UBR7: variants seen among roughly 807,000 people sequenced by gnomAD.
The protein encoded by UBR7 is putative E3 ubiquitin-protein ligase UBR7.
Under a neutral mutation model 57.0 loss-of-function variants are expected in UBR7, and 22 were observed. That is an observed-to-expected ratio of 0.39 (90% CI 0.28 to 0.55). UBR7 has a LOEUF of 0.55. Ranked by LOEUF, UBR7 falls within the 20% of genes least tolerant of loss-of-function variation. The pLI is 0.69. For synonymous variants in UBR7, 167 were observed against 179.8 expected, an observed-to-expected ratio of 0.93 and a Z score of 0.57; for missense variants, 395 against 513.2, an observed-to-expected ratio of 0.77 and a Z score of 2.23.
Position 93,227,659 on chromosome 14 carries a change from A to T in UBR7, c.*624A>T. On this transcript the variant is annotated 3_prime_UTR_variant, in exon 11 of 11. Coordinates refer to ENST00000013070, the MANE Select transcript of UBR7 (RefSeq NM_175748.4). ...TGGTCTGGATGTCTGTCACAGGCGG[A>T]GAGATTAACAGATGACAGGGTTGAG... 1 of 700,846 alleles carries T rather than the reference A, an allele frequency of 1.4e-6. No homozygotes were observed. Among genetic ancestry groups the T allele is most frequent in the Non-Finnish European group, 2.6e-6 (1 of 384,842 alleles). 43.4% of individuals were successfully genotyped at this position (700,846 alleles called of 1,614,324 possible). A position where few individuals can be genotyped will look rare whatever the true frequency, so the allele number is the denominator to read the frequency against.
intron 6 of UBR7, among the ~76,000 whole-genome samples, chr14:93,216,758 G>A (rs1778301985): frequency 6.6e-6 from 1 of 151,970 alleles, no homozygotes; most frequent in African/African-American, 2.4e-5. Flanking sequence ...GGGACTACAG[G>A]CACATGCCAC....
At chr14:93,217,178 C>T (rs936095814) in intron 6 of UBR7, among the ~76,000 whole-genome samples, 10 of 152,040 alleles carry the variant, frequency 6.6e-5, no homozygotes, top group South Asian at 2.1e-4. Flanking sequence ...AGGCATGCAC[C>T]AGCATGCCTA....
intron 5 of UBR7, 30 bp downstream of exon 5, chr14:93,215,012 A>G: frequency 6.3e-7 from 1 of 1,597,948 alleles, no homozygotes; most frequent in African/African-American, 1.3e-5. Flanking sequence ...TTTTGAAACC[A>G]TTGTTGTCAC....
At chr14:93,223,327 G>A (rs1459052584) in intron 10 of UBR7, among the ~76,000 whole-genome samples, 2 of 149,016 alleles carry the variant, frequency 1.3e-5, no homozygotes, top group Non-Finnish European at 3.0e-5. Context: ...CCCCACAGGT[G>A]GAGGTTGCAG....
chr14:93,213,092 TGCG>T (rs968488985), intron 4 of UBR7, among the ~76,000 whole-genome samples: 5 of 151,988 alleles, frequency 3.3e-5, no homozygotes, highest in Admixed American at 1.3e-4. Context: ...AAGCTGGGAT[TGCG>T]GCACTGCACT....
At position 93,218,560 on chromosome 14, in the gene UBR7, T is replaced by C; in HGVS notation, c.635T>C (p.Val212Ala). Residue 212 changes from valine to alanine, a missense_variant, in exon 7 of 11, where the codon GTG becomes GCG. Transcript: ENST00000013070. ...TKISTEDDGLVRNIDGIGDQE... is the reference protein window; with the variant it reads ...TKISTEDDGLARNIDGIGDQE... ...ATATCCACTGAGGATGATGGATTGG[T>C]GCGGAACATTGATGGAATAGGTGAT... The C allele has an allele frequency of 1.9e-6, 3 of 1,614,150 alleles. No homozygotes were observed. The highest frequency in any genetic ancestry group is 2.2e-5 in the South Asian group (2 of 91,072).
intron 10 of UBR7, among the ~76,000 whole-genome samples, chr14:93,223,245 A>G (rs902449837): frequency 3.9e-5 from 6 of 151,938 alleles, no homozygotes; most frequent in African/African-American, 1.5e-4. Flanking sequence ...AAAATACACA[A>G]ATTAGCTGGG....
intron 10 of UBR7, among the ~76,000 whole-genome samples, chr14:93,225,797 A>G (rs963736292): frequency 1.3e-5 from 2 of 152,184 alleles, no homozygotes; most frequent in Non-Finnish European, 2.9e-5. Flanking sequence ...GCACAGTCTC[A>G]TTTGTGTGTT....
intron 1 of UBR7, among the ~76,000 whole-genome samples, chr14:93,208,464 T>C (rs2140096627): frequency 6.9e-6 from 1 of 145,396 alleles, no homozygotes; most frequent in Non-Finnish European, 1.5e-5. Context: ...CCTGCTTTAC[T>C]TAAAAAAAAA....
rs149319074 is a variant in UBR7, at chr14:93,211,641, G to A, written c.346-391G>A. 3.5e-3 allele frequency among the ~76,000 whole-genome samples: 527 copies of A among 152,074 alleles called. 2 individuals are homozygous for A. The highest frequency in any genetic ancestry group is 0.012 in the African/African-American group (502 of 41,478). On this transcript the variant is annotated intron_variant, in intron 3 of 10. Coordinates refer to ENST00000013070, the MANE Select transcript of UBR7 (RefSeq NM_175748.4). ...CTTTGGGAGGCCTAGGTGGGAGAAT[G>A]GCTTGAACCCAGACCAGCCTGGGCA...
chr14:93,218,504 T>G (rs1894637068), intron 6 of UBR7, 23 bp from the exon 7 acceptor site: 2 of 1,609,372 alleles, frequency 1.2e-6, no homozygotes, highest in Non-Finnish European at 1.7e-6. Flanking sequence ...TGTATGTGTT[T>G]TTCTTTTTCT....
intron 7 of UBR7, among the ~76,000 whole-genome samples, 163 bp from the exon 8 acceptor site, chr14:93,219,049 C>T (rs1301594385): frequency 4.0e-5 from 6 of 148,436 alleles, no homozygotes; most frequent in African/African-American, 1.0e-4. Flanking sequence ...AATGAGATTC[C>T]GTCTCAAAAA....
intron 10 of UBR7, among the ~76,000 whole-genome samples, chr14:93,223,120 G>A (rs540913838): frequency 2.0e-5 from 3 of 151,878 alleles, no homozygotes; most frequent in African/African-American, 7.2e-5. Flanking sequence ...CATGGTGGCC[G>A]GGTGCAGTGG....
At chr14:93,224,134 C>G in intron 10 of UBR7, 1 of 716,098 alleles carries the variant, frequency 1.4e-6, no homozygotes, top group Non-Finnish European at 2.4e-6. Flanking sequence ...TGCCCGAGGC[C>G]TTCATGGCGT....
intron 4 of UBR7, among the ~76,000 whole-genome samples, chr14:93,213,095 G>A (rs549352551): frequency 1.3e-5 from 2 of 151,968 alleles, no homozygotes; most frequent in East Asian, 1.9e-4. Flanking sequence ...CTGGGATTGC[G>A]GCACTGCACT....
chr14:93,207,316 G>C lies in UBR7; in HGVS notation c.25G>C (p.Gly9Arg). The change falls in exon 1 of 11, where the codon GGG (glycine) becomes CGG (arginine). Residue 9 changes from glycine (G) to arginine (R), a missense_variant. Transcript: ENST00000013070. ...GATGGCCGGAGCCGAGGGCGCCGCTGGGCGGCAGTCGGAGCTGGAGCCCGT... is the reference window on the plus strand; with the variant it reads ...GATGGCCGGAGCCGAGGGCGCCGCTCGGCGGCAGTCGGAGCTGGAGCCCGT... MAGAEGAA[G>R]RQSELEPVVS... is the part of the protein sequence containing the mutation. 6.4e-7 allele frequency: 1 copy of C among 1,557,950 alleles called. No individual in the cohort carries two copies. The highest frequency in any genetic ancestry group is 8.7e-7 in the Non-Finnish European group (1 of 1,150,516).
At position 93,212,081 on chromosome 14, in the gene UBR7, G is replaced by T; in HGVS notation, c.395G>T (p.Gly132Val). The T allele has an allele frequency of 6.2e-7, 1 of 1,613,180 alleles. No individual in the cohort carries two copies. Among genetic ancestry groups the T allele is most frequent in the Non-Finnish European group, 8.5e-7 (1 of 1,179,560 alleles). ...SGNKYNDNFF[G>V]LYCICKRPYP... ...AATAAGTACAATGACAACTTTTTTG[G>T]ATTGTACTGCATTTGCAAGAGACCT... Residue 132 changes from glycine (G) to valine (V), a missense_variant, in exon 4 of 11, where the codon GGA (glycine) becomes GTA (valine). By Grantham distance (109) the Gly-to-Val change is moderately radical (BLOSUM62 -3). Transcript: ENST00000013070.
intron 3 of UBR7, 116 bp downstream of exon 3, chr14:93,210,824 C>A: frequency 1.2e-6 from 1 of 833,892 alleles, no homozygotes; most frequent in Non-Finnish European, 1.9e-6. Context: ...TATGCTTATT[C>A]TTTGCAGATG....
Position 93,228,220 on chromosome 14 carries a change from A to G in UBR7, c.*1185A>G, listed in dbSNP as rs1706611568. 1 of 491,636 alleles carries G rather than the reference A, an allele frequency of 2.0e-6. No homozygotes were observed. The highest frequency in any genetic ancestry group is 1.9e-5 in the African/African-American group (1 of 51,760). The allele number at this position is 491,636 out of a possible 1,614,324, so 30.5% of individuals were successfully genotyped here. ...TTTGAAGATCCTCATGGAAGGTTGTACAGAGCCCCACATTTGAGGGGAAGT... is the reference window on the plus strand; with the variant it reads ...TTTGAAGATCCTCATGGAAGGTTGTGCAGAGCCCCACATTTGAGGGGAAGT... On this transcript the variant is annotated 3_prime_UTR_variant, in exon 11 of 11. Transcript: ENST00000013070.
Sources: gnomAD v4.1 joint callset for allele counts (sites outside exome capture counted in the v4.1 genomes callset) on GRCh38, gnomAD v4.1.1 for gene constraint, MANE v1.5 for transcripts, NCBI Gene and HGNC (gene_info 2026-07-23, HGNC 2026-07-21) for gene names.